Variants in SCN10A observed in about 807,000 individuals in gnomAD.
SCN10A encodes sodium voltage-gated channel alpha subunit 10, also known as sodium channel protein type 10 subunit alpha.
A neutral mutation model predicts 170.7 loss-of-function variants in SCN10A; 162 were observed. That is an observed-to-expected ratio of 0.95 (90% confidence interval 0.84 to 1.08). The LOEUF (loss-of-function observed/expected upper bound fraction) is 1.08. SCN10A is among the 50% of genes least tolerant of loss of function. The pLI is 0.00. For synonymous variants in SCN10A, 985 were observed against 904.6 expected (o/e 1.09, Z -1.59); for missense variants, 2,527 against 2,436.9 (o/e 1.04, Z -0.78).
Position 38,701,828 on chromosome 3 carries a change from T to C in SCN10A, c.4657+11A>G. On this transcript the variant is annotated intron_variant, in intron 27 of 27. Coordinates refer to ENST00000449082, the MANE Select transcript of SCN10A (RefSeq NM_006514.4). ...AGGTGGGGCTTCCCCACCACGTGGCTGCCCACTTACTCGCAATGGAGAGAA... is the reference window on the plus strand; with the variant it reads ...AGGTGGGGCTTCCCCACCACGTGGCCGCCCACTTACTCGCAATGGAGAGAA... 6.3e-7 allele frequency: 1 copy of C among 1,589,436 alleles called. No homozygotes were observed. The highest frequency in any genetic ancestry group is 8.6e-7 in the Non-Finnish European group (1 of 1,165,738).
chr3:38,754,860 A>T (rs2063786332), intron 11 of SCN10A, among the ~76,000 whole-genome samples: 1 of 152,098 alleles, frequency 6.6e-6, no homozygotes, highest in Non-Finnish European at 1.5e-5. Flanking sequence ...TATAAAGCAT[A>T]AAAAAATAGC....
At chr3:38,811,104 A>G (rs1274113307) in intron 1 of SCN10A, among the ~76,000 whole-genome samples, 1 of 152,174 alleles carries the variant, frequency 6.6e-6, no homozygotes, top group East Asian at 1.9e-4. Flanking sequence ...GGACTATTAG[A>G]AGATTACTTA....
chr3:38,698,784 C>T (rs2063126158), intron 27 of SCN10A, among the ~76,000 whole-genome samples: 1 of 152,180 alleles, frequency 6.6e-6, no homozygotes, highest in South Asian at 2.1e-4. Flanking sequence ...CTTACCCTTC[C>T]TACCATGTTA....
chr3:38,725,320 G>A lies in SCN10A; in HGVS notation c.3088-6C>T, dbSNP rs2063442594. ...ACTTGCTGCAGCTGCTCCTGCTAGT[G>A]AGAGAGGGTCCCAACTGGGTGCCTG... On this transcript the variant is annotated splice_polypyrimidine_tract_variant and splice_region_variant and intron_variant, in intron 17 of 27. Coordinates refer to ENST00000449082, the MANE Select transcript of SCN10A (RefSeq NM_006514.4). The A allele has an allele frequency of 1.3e-6, 2 of 1,572,470 alleles. No individual in the cohort carries two copies. The highest frequency in any genetic ancestry group is 2.3e-5 in the South Asian group (2 of 87,446).
chr3:38,751,534 T>C (rs571550179), intron 12 of SCN10A, among the ~76,000 whole-genome samples: 1 of 152,332 alleles, frequency 6.6e-6, no homozygotes, highest in South Asian at 2.1e-4. Flanking sequence ...CTGTCTGCAA[T>C]TGCGCTGTAT....
chr3:38,782,370 A>C (rs1559462533), intron 4 of SCN10A, among the ~76,000 whole-genome samples: 1 of 152,076 alleles, frequency 6.6e-6, no homozygotes, highest in African/African-American at 2.4e-5. Context: ...CCGTGGTTTA[A>C]CAAACCCTGA....
intron 1 of SCN10A, among the ~76,000 whole-genome samples, chr3:38,804,110 C>T (rs539975849): frequency 6.6e-6 from 1 of 152,256 alleles, no homozygotes; most frequent in Non-Finnish European, 1.5e-5. Context: ...AGTGTGTTCC[C>T]ATAACTTCAT....
chr3:38,794,673 C>G (rs2064326754), intron 1 of SCN10A, among the ~76,000 whole-genome samples: 1 of 152,190 alleles, frequency 6.6e-6, no homozygotes, highest in African/African-American at 2.4e-5. Context: ...TATCCTAAAT[C>G]CCAAGGCTAA....
At chr3:38,747,480 T>C (rs972543323) in intron 13 of SCN10A, among the ~76,000 whole-genome samples, 2 of 152,236 alleles carry the variant, frequency 1.3e-5, no homozygotes, top group Admixed American at 1.3e-4. Flanking sequence ...TTGCTTGACC[T>C]GACTCATTTA....
At chr3:38,705,036 T>C (rs532031683) in intron 26 of SCN10A, among the ~76,000 whole-genome samples, 1 of 152,192 alleles carries the variant, frequency 6.6e-6, no homozygotes, top group Admixed American at 6.5e-5. Context: ...CATGTGGGTG[T>C]CAAAGATGTT....
intron 4 of SCN10A, among the ~76,000 whole-genome samples, chr3:38,784,344 C>T (rs557034954): frequency 3.3e-3 from 498 of 152,166 alleles, no homozygotes; most frequent in African/African-American, 0.012. Flanking sequence ...AGTCAATAAA[C>T]GTAATCCATC....
Position 38,697,716 on chromosome 3 carries a change from G to A in SCN10A, c.5504C>T (p.Ser1835Leu). Residue 1835 changes from serine (S) to leucine (L), a missense_variant, in exon 28 of 28, where the codon TCA (serine) becomes TTA (leucine). Coordinates refer to ENST00000449082, the MANE Select transcript of SCN10A (RefSeq NM_006514.4). ...TGCTATTGGTTCATAGGATGATTTT[G>A]AAAGATTAGTTGCCATAAACTTCTC... The part of the protein sequence containing the change: ...MEEKFMATNL[S>L]KSSYEPIATT... The A allele has an allele frequency of 6.2e-7, 1 of 1,614,110 alleles. No homozygotes were observed. Among genetic ancestry groups the A allele is most frequent in the Non-Finnish European group, 8.5e-7 (1 of 1,180,022 alleles).
intron 1 of SCN10A, among the ~76,000 whole-genome samples, chr3:38,803,030 C>G (rs1048987867): frequency 6.6e-5 from 10 of 152,184 alleles, no homozygotes; most frequent in African/African-American, 2.2e-4. Flanking sequence ...ATTTATGCAG[C>G]AAACAGGCAC....
rs1337377703 is a variant in SCN10A at position 38,763,500 on chromosome 3, CT to C, written c.691+4del. On this transcript the variant is annotated splice_donor_region_variant and intron_variant, in intron 6 of 27. Coordinates refer to ENST00000449082, the MANE Select transcript of SCN10A (RefSeq NM_006514.4). ...CCAACATATGCTCTGTGAATAAATG[CT>C]CACCTGGGATCACAGAAACTGTTTT... The C allele has an allele frequency of 6.2e-7, 1 of 1,609,880 alleles. No homozygotes were observed. Among genetic ancestry groups the C allele is most frequent in the Non-Finnish European group, 8.5e-7 (1 of 1,176,112 alleles).
intron 1 of SCN10A, among the ~76,000 whole-genome samples, chr3:38,795,988 C>A (rs893930639): frequency 6.6e-6 from 1 of 152,124 alleles, no homozygotes; most frequent in Non-Finnish European, 1.5e-5. Flanking sequence ...CTCTTGGAAA[C>A]ATCTCATCAT....
intron 6 of SCN10A, among the ~76,000 whole-genome samples, chr3:38,761,919 G>A (rs952848580): frequency 6.6e-6 from 1 of 151,918 alleles, no homozygotes; most frequent in Non-Finnish European, 1.5e-5. Context: ...AATAGACCAA[G>A]AGAAAGAAAA....
rs554530019 is a variant in SCN10A at position 38,764,633 on chromosome 3, C to A, written c.600-1037G>T. On this transcript the variant is annotated intron_variant, in intron 5 of 27. Transcript: ENST00000449082. ...ACTTGTTGGTTGATGGGCATTTAGG[C>A]TGGTTCCATATTTTTGCAGTTGTAA... 4.8e-3 allele frequency among the ~76,000 whole-genome samples: 733 copies of A among 152,254 alleles called. 4 individuals are homozygous for A. The highest frequency in any genetic ancestry group is 8.4e-3 in the Non-Finnish European group (572 of 68,022).
chr3:38,741,853 A>T (rs1422441151), intron 14 of SCN10A, among the ~76,000 whole-genome samples: 2 of 152,128 alleles, frequency 1.3e-5, no homozygotes, highest in African/African-American at 4.8e-5. Context: ...AACATTGAAA[A>T]TCGTGGCTAC....
intron 1 of SCN10A, among the ~76,000 whole-genome samples, chr3:38,794,371 T>G (rs986776709): frequency 6.6e-6 from 1 of 152,214 alleles, no homozygotes; most frequent in African/African-American, 2.4e-5. Flanking sequence ...CCAGGACCAC[T>G]GAGTTCCAGG....
Sources: gnomAD v4.1 joint callset for allele counts (sites outside exome capture counted in the v4.1 genomes callset) on GRCh38, gnomAD v4.1.1 for gene constraint, MANE v1.5 for transcripts, NCBI Gene and HGNC (gene_info 2026-07-23, HGNC 2026-07-21) for gene names.